The following ATP9A variants were observed in gnomAD, a reference collection of about 807,000 sequenced individuals.
ATP9A encodes probable phospholipid-transporting ATPase IIA.
ATP9A carries 52 observed loss-of-function variants against 144.1 expected under a neutral mutation model. That is an observed-to-expected ratio of 0.36 (90% confidence interval 0.29 to 0.45). The LOEUF is 0.45. Ranked by LOEUF, ATP9A falls within the 20% of genes least tolerant of loss-of-function variation. The pLI, the probability that ATP9A is intolerant of heterozygous loss-of-function variation, is 1.00. For synonymous variants in ATP9A, 582 were observed against 557.4 expected (o/e 1.04, Z -0.62); for missense variants, 947 against 1,392.7 (o/e 0.68, Z 5.09).
chr20:51,623,787 CAAA>C (rs746253035), intron 18 of ATP9A, among the ~76,000 whole-genome samples: 3 of 72,120 alleles, frequency 4.2e-5, no homozygotes, highest in Non-Finnish European at 8.5e-5. Flanking sequence ...AACTCTGTCT[CAAA>C]AAAAAAAAAA....
intron 14 of ATP9A, among the ~76,000 whole-genome samples, chr20:51,645,826 T>C (rs972511071): frequency 8.5e-5 from 13 of 152,296 alleles, no homozygotes; most frequent in African/African-American, 3.1e-4. Context: ...CAAAGTGATA[T>C]ACAACAAGGT....
In ATP9A at chr20:51,703,953, T is replaced by G; in HGVS notation, c.437-6471A>C. 1.3e-5 allele frequency among the ~76,000 whole-genome samples: 2 copies of G among 152,088 alleles called. 1 individual carries two copies. The highest frequency in any genetic ancestry group is 6.3e-3 in the Middle Eastern group (2 of 316). On this transcript the variant is annotated intron_variant, in intron 4 of 27. Coordinates refer to ENST00000338821, the MANE Select transcript of ATP9A (RefSeq NM_006045.3). ...CTAATCTAACTGTGACAGTGATGAG[T>G]TGTAAATTCTGCTTCATGTGTACAT...
chr20:51,679,181 G>A (rs183489077), intron 9 of ATP9A, among the ~76,000 whole-genome samples: 417 of 152,158 alleles, frequency 2.7e-3, no homozygotes, highest in Non-Finnish European at 4.4e-3. Context: ...AAAATCAGCC[G>A]GGCATGGTGG....
chr20:51,731,460 G>C (rs532105749), intron 1 of ATP9A, among the ~76,000 whole-genome samples: 1 of 151,940 alleles, frequency 6.6e-6, no homozygotes, highest in Non-Finnish European at 1.5e-5. Context: ...GCTCACGCCT[G>C]TAATCCCAGC....
At chr20:51,717,309 A>G (rs2077666743) in intron 3 of ATP9A, among the ~76,000 whole-genome samples, 2 of 152,244 alleles carry the variant, frequency 1.3e-5, no homozygotes, top group South Asian at 4.1e-4. Context: ...AATGTCTTCT[A>G]GCCAAGAACT....
chr20:51,698,882 C>G (rs1287515070), intron 4 of ATP9A, among the ~76,000 whole-genome samples: 1 of 152,148 alleles, frequency 6.6e-6, no homozygotes, highest in Non-Finnish European at 1.5e-5. Flanking sequence ...CAGTTGGGGC[C>G]AGGTGGCCCC....
In ATP9A at chr20:51,763,792, GCCAC is replaced by G. The variant is rs377117143; in HGVS notation, c.68+4506_68+4509del. 2.8e-3 allele frequency among the ~76,000 whole-genome samples: 424 copies of G among 152,118 alleles called. 2 individuals are homozygous for G. The highest frequency in any genetic ancestry group is 9.9e-3 in the African/African-American group (410 of 41,482). ...CATCAAAGCATCCTCATCCAGTGTG[GCCAC>G]CCACAAAACGTAGATTGTTACAATG... On this transcript the variant is annotated intron_variant, in intron 1 of 27. Coordinates refer to ENST00000338821, the MANE Select transcript of ATP9A (RefSeq NM_006045.3).
In ATP9A at chr20:51,753,859, G is replaced by A. The variant is rs116503965; in HGVS notation, c.68+14443C>T. On this transcript the variant is annotated intron_variant, in intron 1 of 27. Coordinates refer to ENST00000338821, the MANE Select transcript of ATP9A (RefSeq NM_006045.3). ...TTTTGGTTTTTTTTTTTCCAGTAGA[G>A]ACAGGTTTTCACCATGTTGGACAGG... Among the ~76,000 whole-genome samples, 978 of 150,622 alleles carry A rather than the reference G, an allele frequency of 6.5e-3. 12 individuals are homozygous for A. The highest frequency in any genetic ancestry group is 0.023 in the African/African-American group (929 of 41,070).
chr20:51,646,627 C>A (rs1387625654), intron 14 of ATP9A, among the ~76,000 whole-genome samples: 2 of 152,248 alleles, frequency 1.3e-5, no homozygotes. Flanking sequence ...ACTGAGGCAG[C>A]AGCTGCCCAG....
rs570409425 is a variant in ATP9A at position 51,623,002 on chromosome 20, G to A, written c.2017-830C>T. ...TGTTACCTTCATGACAGCTTCTGGA[G>A]GCTGGAAATGGAAGCGCTAAGAGCT... On this transcript the variant is annotated intron_variant, in intron 18 of 27. Transcript: ENST00000338821. Among the ~76,000 whole-genome samples the A allele has an allele frequency of 4.6e-5, 7 of 152,252 alleles. 1 individual carries two copies. The Middle Eastern group carries it at 0.014, about 296-fold the overall frequency.
intron 13 of ATP9A, among the ~76,000 whole-genome samples, chr20:51,660,430 G>A (rs1363332190): frequency 1.3e-5 from 2 of 152,208 alleles, no homozygotes; most frequent in Admixed American, 6.5e-5. Context: ...ACCACAGACG[G>A]TCAGATGTTG....
chr20:51,662,590 ATTTAT>A (rs951701550), intron 13 of ATP9A, among the ~76,000 whole-genome samples: 2 of 149,986 alleles, frequency 1.3e-5, no homozygotes, highest in African/African-American at 5.0e-5. Context: ...GATTTGCTTT[ATTTAT>A]TTTTTTTTTG....
intron 9 of ATP9A, among the ~76,000 whole-genome samples, chr20:51,686,866 C>T (rs2077525328): frequency 1.3e-5 from 2 of 150,526 alleles, no homozygotes; most frequent in African/African-American, 2.4e-5. Context: ...ACCTGGGAGG[C>T]GGAGGTTGCA....
At chr20:51,609,561 A>G (rs1314122438) in intron 24 of ATP9A, among the ~76,000 whole-genome samples, 1 of 152,166 alleles carries the variant, frequency 6.6e-6, no homozygotes, top group Admixed American at 6.5e-5. Context: ...GTTCCAGGTC[A>G]GTAATGGGGG....
intron 18 of ATP9A, among the ~76,000 whole-genome samples, chr20:51,622,556 C>G (rs760601133): frequency 3.3e-5 from 5 of 152,202 alleles, no homozygotes; most frequent in Non-Finnish European, 5.9e-5. Context: ...ACAGGAAACA[C>G]TCATTTTTGA....
intron 11 of ATP9A, among the ~76,000 whole-genome samples, chr20:51,671,503 G>C (rs1345534092): frequency 6.6e-6 from 1 of 151,952 alleles, no homozygotes; most frequent in Non-Finnish European, 1.5e-5. Context: ...ATACAGAAAG[G>C]GTAGTGGTTT....
chr20:51,609,627 C>T (rs1490087420), intron 24 of ATP9A, among the ~76,000 whole-genome samples: 2 of 152,192 alleles, frequency 1.3e-5, no homozygotes, highest in Non-Finnish European at 1.5e-5. Context: ...TGTGGCACAG[C>T]AGCCAAGCTC....
chr20:51,718,635 T>C (rs1358088039), intron 3 of ATP9A, among the ~76,000 whole-genome samples: 2 of 150,054 alleles, frequency 1.3e-5, no homozygotes, highest in African/African-American at 4.9e-5. Context: ...CTGGCCAACA[T>C]GGTGAAACCC....
At chr20:51,607,958 C>A (rs1307729466) in intron 25 of ATP9A, among the ~76,000 whole-genome samples, 1 of 150,906 alleles carries the variant, frequency 6.6e-6, no homozygotes, top group Non-Finnish European at 1.5e-5. Context: ...GCAGGAGAAT[C>A]GCTTGAACCC....
Sources: gnomAD v4.1 joint callset for allele counts (sites outside exome capture counted in the v4.1 genomes callset) on GRCh38, gnomAD v4.1.1 for gene constraint, MANE v1.5 for transcripts, NCBI Gene and HGNC (gene_info 2026-07-23, HGNC 2026-07-21) for gene names.